Variants in PLXNA2 observed in about 807,000 individuals in gnomAD.
PLXNA2 encodes plexin A2, also known as plexin-A2.
In PLXNA2, 91 loss-of-function variants were observed where a neutral mutation model predicts 193.5. The observed-to-expected ratio is 0.47, with a 90% CI of 0.40 to 0.56. PLXNA2 has a LOEUF of 0.56. Among genes scored for constraint, PLXNA2 ranks in the 20% least tolerant of loss-of-function variants. PLXNA2 has a pLI of 0.00. For synonymous variants in PLXNA2, 997 were observed against 1,027.3 expected, an observed-to-expected ratio of 0.97 and a Z score of 0.56; for missense variants, 1,995 against 2,503.2, an observed-to-expected ratio of 0.80 and a Z score of 4.33.
At chr1:208,175,396 G>A (rs1055856032) in intron 3 of PLXNA2, among the ~76,000 whole-genome samples, 1 of 152,164 alleles carries the variant, frequency 6.6e-6, no homozygotes, top group African/African-American at 2.4e-5. Flanking sequence ...TCCAGGGGAG[G>A]TCTCTTCTTG....
intron 3 of PLXNA2, among the ~76,000 whole-genome samples, chr1:208,145,111 C>T (rs946255874): frequency 3.3e-5 from 5 of 152,198 alleles, no homozygotes; most frequent in African/African-American, 1.2e-4. Flanking sequence ...AGTTCTTGGG[C>T]TATTGCAAGA....
At chr1:208,076,459 TA>T (rs1236227684) in intron 12 of PLXNA2, among the ~76,000 whole-genome samples, 2 of 152,216 alleles carry the variant, frequency 1.3e-5, no homozygotes, top group Non-Finnish European at 2.9e-5. Flanking sequence ...AATCCACGGC[TA>T]TCAATTTTTA....
At chr1:208,213,134 T>C (rs1671015982) in intron 2 of PLXNA2, among the ~76,000 whole-genome samples, 1 of 151,950 alleles carries the variant, frequency 6.6e-6, no homozygotes, top group Admixed American at 6.6e-5. Flanking sequence ...TTTGCTACTG[T>C]CTTATTGATT....
intron 1 of PLXNA2, among the ~76,000 whole-genome samples, chr1:208,226,027 T>A (rs1671499489): frequency 6.6e-6 from 1 of 152,224 alleles, no homozygotes; most frequent in Non-Finnish European, 1.5e-5. Flanking sequence ...GAGAGGGGTC[T>A]GGGTGTGCAG....
intron 12 of PLXNA2, among the ~76,000 whole-genome samples, chr1:208,068,368 T>C (rs897579903): frequency 9.2e-5 from 14 of 152,322 alleles, no homozygotes; most frequent in East Asian, 5.8e-4. Context: ...TCTCCCTTGC[T>C]TTAATTTAAG....
At chr1:208,040,341 G>T in intron 22 of PLXNA2, 1 of 474,906 alleles carries the variant, frequency 2.1e-6, no homozygotes, top group Non-Finnish European at 3.8e-6. Context: ...ATCTGAGACA[G>T]GGTCTGTGGA....
intron 29 of PLXNA2, chr1:208,029,697 T>C (rs1007349088): frequency 1.0e-6 from 1 of 986,382 alleles, no homozygotes; most frequent in Non-Finnish European, 1.2e-6. Flanking sequence ...GCTCAGAGAT[T>C]TTCCCACCCC....
chr1:208,174,829 C>G (rs1447195855), intron 3 of PLXNA2, among the ~76,000 whole-genome samples: 1 of 152,196 alleles, frequency 6.6e-6, no homozygotes, highest in Non-Finnish European at 1.5e-5. Context: ...TTCACGACTG[C>G]AAAGTGACAA....
intron 2 of PLXNA2, among the ~76,000 whole-genome samples, chr1:208,213,065 G>A (rs899100427): frequency 1.3e-4 from 20 of 152,218 alleles, no homozygotes; most frequent in Middle Eastern, 3.4e-3. Context: ...GGGCACAGGC[G>A]TAGCCCAAGT....
chr1:208,169,549 T>C (rs1669426499), intron 3 of PLXNA2, among the ~76,000 whole-genome samples: 1 of 152,176 alleles, frequency 6.6e-6, no homozygotes, highest in Non-Finnish European at 1.5e-5. Flanking sequence ...TCCTAGAAGG[T>C]ATGCCTGGTG....
At chr1:208,050,617 G>A (rs1665225364) in intron 17 of PLXNA2, among the ~76,000 whole-genome samples, 1 of 152,186 alleles carries the variant, frequency 6.6e-6, no homozygotes, top group South Asian at 2.1e-4. Flanking sequence ...AGGATCACTT[G>A]AGCCCAGGAG....
chr1:208,066,153 A>G (rs796756346), intron 12 of PLXNA2, among the ~76,000 whole-genome samples: 1 of 152,172 alleles, frequency 6.6e-6, no homozygotes, highest in Non-Finnish European at 1.5e-5. Context: ...TTCAGCCCCA[A>G]GCTTTTCTCC....
intron 31 of PLXNA2, 98 bp downstream of exon 31, chr1:208,027,911 C>T (rs757385950): frequency 6.7e-6 from 8 of 1,195,842 alleles, no homozygotes; most frequent in Admixed American, 2.8e-5. Context: ...CTTCTGACTC[C>T]CTGAATGTGT....
chr1:208,154,642 T>C (rs1350093868), intron 3 of PLXNA2, among the ~76,000 whole-genome samples: 2 of 152,220 alleles, frequency 1.3e-5, no homozygotes, highest in Non-Finnish European at 2.9e-5. Context: ...AAGTGAGAGA[T>C]TGTACAAGTC....
intron 26 of PLXNA2, among the ~76,000 whole-genome samples, chr1:208,036,610 C>A (rs560046756): frequency 5.3e-5 from 8 of 152,156 alleles, no homozygotes. Flanking sequence ...TTGGTATTAG[C>A]GTTGCTATTA....
rs558882178 is a variant in PLXNA2 at position 208,129,807 on chromosome 1, A to G, written c.1506+12522T>C. ...CATATGTATGTGTGATAGTGCAAGG[A>G]TAAGCTCTTTGCTGTGAGCACAGTT... is the stretch of plus-strand genomic sequence containing the variant. On this transcript the variant is annotated intron_variant, in intron 4 of 31. Transcript: ENST00000367033. 4.6e-5 allele frequency among the ~76,000 whole-genome samples: 7 copies of G among 152,340 alleles called. 1 individual carries two copies. In the South Asian group the frequency reaches 1.5e-3, roughly 32 times the overall value.
intron 3 of PLXNA2, among the ~76,000 whole-genome samples, chr1:208,161,337 C>A (rs796596071): frequency 1.3e-5 from 2 of 152,278 alleles, no homozygotes; most frequent in African/African-American, 4.8e-5. Context: ...GGCTGGTGAA[C>A]TGCAGCAAAG....
At chr1:208,105,512 G>A (rs1167735293) in intron 4 of PLXNA2, among the ~76,000 whole-genome samples, 7 of 152,166 alleles carry the variant, frequency 4.6e-5, no homozygotes. Context: ...GACTGTTGAT[G>A]ATTTTTGTCC....
intron 12 of PLXNA2, among the ~76,000 whole-genome samples, chr1:208,070,116 C>A (rs961564873): frequency 6.6e-6 from 1 of 152,254 alleles, no homozygotes; most frequent in Admixed American, 6.5e-5. Flanking sequence ...GGTCAACCAC[C>A]ATGAGAATGC....
Sources: allele counts gnomAD v4.1 joint callset (sites outside exome capture counted in the v4.1 genomes callset), GRCh38; gene constraint gnomAD v4.1.1; transcripts MANE v1.5; gene names NCBI Gene and HGNC (gene_info 2026-07-23, HGNC 2026-07-21).